The following ZSWIM5 variants were observed in gnomAD, a reference collection of about 807,000 sequenced individuals.
The protein encoded by ZSWIM5 is zinc finger SWIM domain-containing protein 5.
In ZSWIM5, 55 loss-of-function variants were observed where a neutral mutation model predicts 119.6. That is an observed-to-expected ratio of 0.46 (90% CI 0.37 to 0.58). The LOEUF (loss-of-function observed/expected upper bound fraction) is 0.58, where lower values mean the gene tolerates loss of function less well. ZSWIM5 is among the 20% of genes least tolerant of loss of function. The pLI is 0.00. For missense variants in ZSWIM5, 1,193 were observed against 1,512.8 expected (o/e 0.79, Z 3.51); for synonymous variants, 537 against 606.9 (o/e 0.88, Z 1.69).
chr1:45,119,194 T>C (rs1381348707), intron 1 of ZSWIM5, among the ~76,000 whole-genome samples: 1 of 152,164 alleles, frequency 6.6e-6, no homozygotes, highest in African/African-American at 2.4e-5. Flanking sequence ...TAATCTGGGC[T>C]TAAGACCATT....
At chr1:45,192,567 A>G (rs1646098998) in intron 1 of ZSWIM5, among the ~76,000 whole-genome samples, 1 of 152,212 alleles carries the variant, frequency 6.6e-6, no homozygotes, top group Non-Finnish European at 1.5e-5. Flanking sequence ...GTCGATGGAC[A>G]CTTGGGTTGT....
Position 45,174,949 on chromosome 1 carries a change from A to G in ZSWIM5, c.595+30807T>C, listed in dbSNP as rs556621750. On this transcript the variant is annotated intron_variant, in intron 1 of 13. Transcript: ENST00000359600. The stretch of plus-strand genomic sequence containing the variant: ...CAGAACTATAAAAATCATGAAAATC[A>G]GAAATCAATACCATAACATTATCAT... 4.6e-5 allele frequency among the ~76,000 whole-genome samples: 7 copies of G among 152,098 alleles called. No homozygotes were observed. In the Middle Eastern group the frequency reaches 0.01, roughly 222 times the overall value.
chr1:45,055,822 A>G (rs1489162495), intron 4 of ZSWIM5, among the ~76,000 whole-genome samples: 1 of 152,172 alleles, frequency 6.6e-6, no homozygotes, highest in African/African-American at 2.4e-5. Context: ...AGTTATGGAA[A>G]CCAAGAGAAG....
chr1:45,167,952 G>A (rs1645918491), intron 1 of ZSWIM5, among the ~76,000 whole-genome samples: 2 of 152,090 alleles, frequency 1.3e-5, no homozygotes, highest in African/African-American at 2.4e-5. Flanking sequence ...AATACCATTT[G>A]ACCCAGCCAT....
chr1:45,070,466 T>A, intron 2 of ZSWIM5: 1 of 1,057,162 alleles, frequency 9.5e-7, no homozygotes, highest in Non-Finnish European at 1.4e-6. Flanking sequence ...ATAGGAATTT[T>A]ATGTTCCAAC....
At chr1:45,174,327 T>G (rs754027526) in intron 1 of ZSWIM5, among the ~76,000 whole-genome samples, 3 of 152,030 alleles carry the variant, frequency 2.0e-5, no homozygotes, top group Non-Finnish European at 4.4e-5. Context: ...AGTGATCTTT[T>G]AATAAAAATA....
chr1:45,205,948 C>G lies in ZSWIM5; in HGVS notation c.403G>C (p.Ala135Pro). 7.9e-7 allele frequency: 1 copy of G among 1,261,180 alleles called. No homozygotes were observed. The highest frequency in any genetic ancestry group is 3.0e-5 in the South Asian group (1 of 33,022). 78.1% of individuals were successfully genotyped at this position (1,261,180 alleles called of 1,614,324 possible). A position where few individuals can be genotyped will look rare whatever the true frequency, so the allele number is the denominator to read the frequency against. ...AAGGAAGASPAEEGPQPPPGA... is the reference protein window; with the variant it reads ...AAGGAAGASPPEEGPQPPPGA... ...GGGGGTGGCTGCGGCCCCTCCTCGG[C>G]CGGCGAAGCCCCCGCGGCGCCGCCA... is the stretch of plus-strand genomic sequence containing the variant. The change falls in exon 1 of 14, where the codon GCC becomes CCC. Residue 135 changes from alanine (A) to proline (P), a missense_variant. Physicochemically the swap from Ala to Pro is conservative, Grantham distance 27 (BLOSUM62 -1). This residue lies in a region of ZSWIM5 where 232 missense variants were observed against 222.9 expected (regional missense o/e 1.04). Coordinates refer to ENST00000359600, the MANE Select transcript of ZSWIM5 (RefSeq NM_020883.2).
chr1:45,187,109 A>T (rs1030998898), intron 1 of ZSWIM5, among the ~76,000 whole-genome samples: 26 of 152,176 alleles, frequency 1.7e-4, no homozygotes, highest in Non-Finnish European at 1.0e-4. Context: ...ACTGATACTA[A>T]AATTCATAGG....
chr1:45,206,595 G>T lies in ZSWIM5; in HGVS notation c.-245C>A. On this transcript the variant is annotated 5_prime_UTR_variant, in exon 1 of 14. Transcript: ENST00000359600. ...GGCGCGCGGTGTCCTGGCCGCCGCGGACGCGAAGACAGGCGGGAGCGAGCG... is the reference window on the plus strand; with the variant it reads ...GGCGCGCGGTGTCCTGGCCGCCGCGTACGCGAAGACAGGCGGGAGCGAGCG... The T allele has an allele frequency of 1.1e-6, 1 of 947,482 alleles. No individual in the cohort carries two copies. The highest frequency in any genetic ancestry group is 1.3e-6 in the Non-Finnish European group (1 of 794,760). 58.7% of individuals were successfully genotyped at this position (947,482 alleles called of 1,614,324 possible). A position where few individuals can be genotyped will look rare whatever the true frequency, so the allele number is the denominator to read the frequency against.
At position 45,057,424 on chromosome 1, in the gene ZSWIM5, C is replaced by T. The variant is rs1352856363; in HGVS notation, c.1252+1185G>A. 6.6e-6 allele frequency among the ~76,000 whole-genome samples: 1 copy of T among 152,256 alleles called. No individual in the cohort carries two copies. The highest frequency in any genetic ancestry group is 6.5e-5 in the Admixed American group (1 of 15,290). On this transcript the variant is annotated intron_variant, in intron 4 of 13. Coordinates refer to ENST00000359600, the MANE Select transcript of ZSWIM5 (RefSeq NM_020883.2). The surrounding 1 kb of genome is among the most constrained non-coding windows in gnomAD (Gnocchi z 4.7). ...AAGCACCAGGAGCCATCTCTACTTACTTCCTCCCAACTACCTTTGTCCCAG... is the reference window on the plus strand; with the variant it reads ...AAGCACCAGGAGCCATCTCTACTTATTTCCTCCCAACTACCTTTGTCCCAG...
Position 45,124,187 on chromosome 1 carries a change from A to G in ZSWIM5, c.596-35950T>C, listed in dbSNP as rs546405955. ...AGAAGAAAAAAGGCAGTAAACAAAAATATGAGTAAATTAAATAGGTTTTCC... is the reference window on the plus strand; with the variant it reads ...AGAAGAAAAAAGGCAGTAAACAAAAGTATGAGTAAATTAAATAGGTTTTCC... On this transcript the variant is annotated intron_variant, in intron 1 of 13. Transcript: ENST00000359600. Among the ~76,000 whole-genome samples, 16 of 152,282 alleles carry G rather than the reference A, an allele frequency of 1.1e-4. No individual in the cohort carries two copies. The East Asian group carries it at 3.1e-3, about 29-fold the overall frequency.
intron 2 of ZSWIM5, among the ~76,000 whole-genome samples, chr1:45,068,758 G>A (rs1303682536): frequency 6.9e-6 from 1 of 145,298 alleles, no homozygotes; most frequent in Non-Finnish European, 1.5e-5. Context: ...GGCATTTAGT[G>A]GAATCCTCTC....
chr1:45,050,402 A>G (rs1645082484), intron 5 of ZSWIM5, among the ~76,000 whole-genome samples: 2 of 152,200 alleles, frequency 1.3e-5, no homozygotes. Flanking sequence ...TCAGTGTCTG[A>G]TAAAATCTTC....
chr1:45,142,617 G>A (rs931613222), intron 1 of ZSWIM5, among the ~76,000 whole-genome samples: 3 of 152,066 alleles, frequency 2.0e-5, no homozygotes, highest in Non-Finnish European at 2.9e-5. Context: ...ATGAGCCATG[G>A]TGCCTGGCCA....
At chr1:45,119,535 C>T (rs346733) in intron 1 of ZSWIM5, among the ~76,000 whole-genome samples, 50,596 of 151,932 alleles carry the variant, frequency 0.33, 9,639 homozygotes, top group African/African-American at 0.53. Flanking sequence ...GGGGTAAGGA[C>T]GGTCAACTAG....
chr1:45,125,799 C>T (rs1273916935), intron 1 of ZSWIM5, among the ~76,000 whole-genome samples: 4 of 150,030 alleles, frequency 2.7e-5, no homozygotes, highest in Non-Finnish European at 4.4e-5. Flanking sequence ...GGCACAATGG[C>T]TCATGCCTAT....
At chr1:45,176,288 G>T (rs111931735) in intron 1 of ZSWIM5, among the ~76,000 whole-genome samples, 1 of 151,346 alleles carries the variant, frequency 6.6e-6, no homozygotes, top group Non-Finnish European at 1.5e-5. Context: ...TTTTTCAGAC[G>T]GAGTCTTGCT....
At chr1:45,079,263 G>A (rs1489541851) in intron 2 of ZSWIM5, among the ~76,000 whole-genome samples, 1 of 151,604 alleles carries the variant, frequency 6.6e-6, no homozygotes, top group Admixed American at 6.6e-5. Context: ...CTATCTTTTC[G>A]GACTCAGCCC....
chr1:45,074,080 T>A (rs1645241376), intron 2 of ZSWIM5, among the ~76,000 whole-genome samples: 1 of 151,996 alleles, frequency 6.6e-6, no homozygotes, highest in South Asian at 2.1e-4. Flanking sequence ...CAGGGATAAA[T>A]CCCACTTGGT....
Sources: gnomAD v4.1 joint callset for allele counts (sites outside exome capture counted in the v4.1 genomes callset) on GRCh38, gnomAD v4.1.1 for gene constraint, gnomAD v4.1.1 regional missense constraint, Gnocchi (gnomAD v3.1) non-coding constraint, MANE v1.5 for transcripts, NCBI Gene and HGNC (gene_info 2026-07-23, HGNC 2026-07-21) for gene names.